Variants in SLC8A1 observed in about 807,000 individuals in gnomAD.
The protein encoded by SLC8A1 is sodium/calcium exchanger 1.
SLC8A1 carries 18 observed loss-of-function variants against 68.3 expected under a neutral mutation model. The ratio of observed to expected loss-of-function variants is 0.26; its 90% CI spans 0.18 to 0.39. SLC8A1 has a LOEUF of 0.39. SLC8A1 is among the 10% of genes least tolerant of loss of function. The probability of loss-of-function intolerance (pLI) is 1.00; values close to 1 mark genes in which losing one functional copy is unlikely to be tolerated. For synonymous variants in SLC8A1, 475 were observed against 415.5 expected, an observed-to-expected ratio of 1.14 and a Z score of -1.74; for missense variants, 985 against 1,156.7, an observed-to-expected ratio of 0.85 and a Z score of 2.15.
intron 6 of SLC8A1, among the ~76,000 whole-genome samples, chr2:40,156,547 A>T (rs751094014): frequency 3.2e-4 from 49 of 152,122 alleles, no homozygotes; most frequent in Admixed American, 1.4e-3. Flanking sequence ...GTCACAAATT[A>T]CTAGGCAGGA....
At chr2:40,184,530 T>A (rs1314787023) in intron 2 of SLC8A1, among the ~76,000 whole-genome samples, 2 of 152,210 alleles carry the variant, frequency 1.3e-5, no homozygotes, top group Non-Finnish European at 2.9e-5. Context: ...TTTACACTCA[T>A]GCACAGTGAT....
intron 2 of SLC8A1, among the ~76,000 whole-genome samples, chr2:40,378,196 GA>G (rs1409543503): frequency 1.3e-5 from 2 of 152,092 alleles, no homozygotes; most frequent in Non-Finnish European, 2.9e-5. Context: ...ATTTCATATT[GA>G]TAAGTGCTCA....
At chr2:40,291,305 T>A (rs2192770) in intron 2 of SLC8A1, among the ~76,000 whole-genome samples, 28,396 of 152,180 alleles carry the variant, frequency 0.19, 3,125 homozygotes, top group East Asian at 0.37. Context: ...TTTGAGTTTA[T>A]GGAAGTCACT....
intron 2 of SLC8A1, among the ~76,000 whole-genome samples, chr2:40,284,941 C>T (rs2149204366): frequency 6.6e-6 from 1 of 152,216 alleles, no homozygotes; most frequent in Non-Finnish European, 1.5e-5. Context: ...CAGGCACTCT[C>T]ATGCATTTTG....
At chr2:40,500,697 CATT>C (rs1706001427) in intron 1 of SLC8A1, among the ~76,000 whole-genome samples, 1 of 147,486 alleles carries the variant, frequency 6.8e-6, no homozygotes, top group Non-Finnish European at 1.5e-5. Context: ...GATCCAGTGT[CATT>C]ATTAATAGCT....
At chr2:40,352,840 T>C (rs1671532364) in intron 2 of SLC8A1, among the ~76,000 whole-genome samples, 1 of 152,184 alleles carries the variant, frequency 6.6e-6, no homozygotes, top group African/African-American at 2.4e-5. Flanking sequence ...GATATGTCTG[T>C]TGCATCCAGG....
intron 6 of SLC8A1, among the ~76,000 whole-genome samples, chr2:40,149,382 T>C (rs2043016651): frequency 6.6e-6 from 1 of 152,146 alleles, no homozygotes; most frequent in African/African-American, 2.4e-5. Flanking sequence ...AAATATAATA[T>C]GTAATAATTT....
At chr2:40,128,527 T>C (rs972070249) in intron 7 of SLC8A1, among the ~76,000 whole-genome samples, 1 of 152,034 alleles carries the variant, frequency 6.6e-6, no homozygotes, top group African/African-American at 2.4e-5. Flanking sequence ...TTTGTGAGAG[T>C]TGCCTCCTTA....
intron 2 of SLC8A1, among the ~76,000 whole-genome samples, chr2:40,340,542 C>A (rs1405549508): frequency 1.3e-5 from 2 of 152,144 alleles, no homozygotes; most frequent in African/African-American, 4.8e-5. Flanking sequence ...GCCTGGCCAA[C>A]AGAGTGAGAC....
chr2:40,450,238 C>T (rs1202252085), intron 1 of SLC8A1, among the ~76,000 whole-genome samples: 1 of 152,116 alleles, frequency 6.6e-6, no homozygotes, highest in Non-Finnish European at 1.5e-5. Flanking sequence ...ACCAATCATC[C>T]CTCTTCCGGC....
chr2:40,423,114 A>G (rs1695956916), intron 2 of SLC8A1, among the ~76,000 whole-genome samples: 1 of 152,150 alleles, frequency 6.6e-6, no homozygotes, highest in Admixed American at 6.5e-5. Context: ...TACCCTTATA[A>G]TGATTTAAAA....
At chr2:40,346,047 T>TAAAAAAA (rs774555210) in intron 2 of SLC8A1, among the ~76,000 whole-genome samples, 69 of 41,684 alleles carry the variant, frequency 1.7e-3, no homozygotes, top group Admixed American at 2.1e-3. Flanking sequence ...ACATTAACAG[T>TAAAAAAA]AAAAAAAAAA....
chr2:40,467,757 C>G (rs1703777988), intron 1 of SLC8A1, among the ~76,000 whole-genome samples: 1 of 152,118 alleles, frequency 6.6e-6, no homozygotes, highest in Non-Finnish European at 1.5e-5. Context: ...TTCTGTAACA[C>G]TTTTGCATTC....
At chr2:40,154,291 TATTTA>T (rs1315309528) in intron 6 of SLC8A1, among the ~76,000 whole-genome samples, 2 of 144,042 alleles carry the variant, frequency 1.4e-5, no homozygotes, top group Non-Finnish European at 3.0e-5. Context: ...AATTTATTTT[TATTTA>T]TTCTTTTTTT....
chr2:40,329,491 C>T (rs1217358625), intron 2 of SLC8A1, among the ~76,000 whole-genome samples: 3 of 152,130 alleles, frequency 2.0e-5, no homozygotes, highest in Non-Finnish European at 4.4e-5. Flanking sequence ...CTTGCTAAAC[C>T]TGAAAGTATT....
At chr2:40,381,897 C>A (rs1026127332) in intron 2 of SLC8A1, among the ~76,000 whole-genome samples, 1 of 151,868 alleles carries the variant, frequency 6.6e-6, no homozygotes, top group Non-Finnish European at 1.5e-5. Context: ...TCCCTAATTC[C>A]TGTTCTCCTC....
chr2:40,318,445 A>C (rs2074761977), intron 2 of SLC8A1, among the ~76,000 whole-genome samples: 2 of 151,990 alleles, frequency 1.3e-5, no homozygotes, highest in African/African-American at 4.8e-5. Flanking sequence ...TTAACTAATG[A>C]TCCTACAATT....
At chr2:40,346,969 C>T (rs1669553241) in intron 2 of SLC8A1, among the ~76,000 whole-genome samples, 2 of 152,012 alleles carry the variant, frequency 1.3e-5, no homozygotes, top group African/African-American at 4.8e-5. Flanking sequence ...TAAAATAAAC[C>T]CTGCTTATTT....
intron 2 of SLC8A1, among the ~76,000 whole-genome samples, chr2:40,224,265 G>C (rs1268777698): frequency 6.6e-6 from 1 of 152,078 alleles, no homozygotes; most frequent in Non-Finnish European, 1.5e-5. Flanking sequence ...GGTCTGAAAA[G>C]ACAGAGGCCC....
Sources: allele counts gnomAD v4.1 joint callset (sites outside exome capture counted in the v4.1 genomes callset), GRCh38; gene constraint gnomAD v4.1.1; transcripts MANE v1.5; gene names NCBI Gene and HGNC (gene_info 2026-07-23, HGNC 2026-07-21).